Variants in VSTM4 observed in about 807,000 individuals in gnomAD.
VSTM4 encodes the protein V-set and transmembrane domain containing 4.
In VSTM4, 20 loss-of-function variants were observed where a neutral mutation model predicts 36.4. That is an observed-to-expected ratio of 0.55 (90% confidence interval 0.39 to 0.80). VSTM4 has a LOEUF of 0.80. Ranked by LOEUF, VSTM4 falls within the 30% of genes least tolerant of loss-of-function variation. The pLI is 0.00. For missense variants in VSTM4, 392 were observed against 404.5 expected, an observed-to-expected ratio of 0.97 and a Z score of 0.26; for synonymous variants, 182 against 173.9, an observed-to-expected ratio of 1.05 and a Z score of -0.37.
intron 7 of VSTM4, among the ~76,000 whole-genome samples, chr10:49,034,584 G>GA (rs921214168): frequency 1.3e-5 from 2 of 151,800 alleles, no homozygotes; most frequent in African/African-American, 2.4e-5. Flanking sequence ...TTCTGGCTAG[G>GA]AAAAAAAATC....
intron 4 of VSTM4, among the ~76,000 whole-genome samples, chr10:49,073,177 G>A (rs979975955): frequency 6.6e-6 from 1 of 152,140 alleles, no homozygotes; most frequent in African/African-American, 2.4e-5. Context: ...ACAGATCCAT[G>A]CAGATCTACC....
chr10:49,092,837 C>T (rs1844500210), intron 2 of VSTM4, among the ~76,000 whole-genome samples: 1 of 152,122 alleles, frequency 6.6e-6, no homozygotes, highest in Non-Finnish European at 1.5e-5. Context: ...GTCCAGAGAA[C>T]ATGGAGCAGA....
At chr10:49,038,403 A>C (rs1297868392) in intron 7 of VSTM4, among the ~76,000 whole-genome samples, 2 of 152,226 alleles carry the variant, frequency 1.3e-5, no homozygotes, top group Non-Finnish European at 2.9e-5. Flanking sequence ...TTGCTAAAGC[A>C]GTCAAATTCA....
intron 5 of VSTM4, among the ~76,000 whole-genome samples, chr10:49,056,692 C>T (rs1843785182): frequency 6.6e-6 from 1 of 152,216 alleles, no homozygotes; most frequent in African/African-American, 2.4e-5. Flanking sequence ...CCCTGTGTCC[C>T]TCTGGCTAGA....
intron 4 of VSTM4, among the ~76,000 whole-genome samples, chr10:49,076,642 T>C (rs1252331124): frequency 1.3e-5 from 2 of 151,526 alleles, no homozygotes; most frequent in Admixed American, 6.6e-5. Flanking sequence ...CATAGAGATA[T>C]GAGAGTCATG....
intron 1 of VSTM4, among the ~76,000 whole-genome samples, chr10:49,113,874 C>T (rs1207196428): frequency 6.6e-6 from 1 of 152,178 alleles, no homozygotes; most frequent in Non-Finnish European, 1.5e-5. Flanking sequence ...TCTTATCATC[C>T]TCCAGGGCTG....
intron 3 of VSTM4, among the ~76,000 whole-genome samples, chr10:49,079,491 A>G (rs1404446154): frequency 6.6e-6 from 1 of 152,262 alleles, no homozygotes; most frequent in African/African-American, 2.4e-5. Flanking sequence ...ATCTTTGAAG[A>G]AAAATGCCAC....
intron 2 of VSTM4, among the ~76,000 whole-genome samples, chr10:49,105,789 A>G (rs1482099775): frequency 6.6e-6 from 1 of 152,178 alleles, no homozygotes; most frequent in Non-Finnish European, 1.5e-5. Context: ...ACTGTGACAC[A>G]AACACCAAAA....
At chr10:49,098,066 G>A (rs550706218) in intron 2 of VSTM4, among the ~76,000 whole-genome samples, 5 of 152,224 alleles carry the variant, frequency 3.3e-5, no homozygotes, top group Admixed American at 3.3e-4. Flanking sequence ...GCCACCCCTT[G>A]GAGAGAGGGA....
At chr10:49,050,405 G>A (rs1309186725) in intron 5 of VSTM4, among the ~76,000 whole-genome samples, 2 of 152,132 alleles carry the variant, frequency 1.3e-5, no homozygotes, top group Non-Finnish European at 2.9e-5. Flanking sequence ...ATATACACAT[G>A]GGTAATAAGA....
At chr10:49,082,322 A>C (rs1844293462) in intron 3 of VSTM4, among the ~76,000 whole-genome samples, 1 of 152,228 alleles carries the variant, frequency 6.6e-6, no homozygotes. Context: ...CAAAGGCTTG[A>C]GTTTAACAAA....
intron 7 of VSTM4, among the ~76,000 whole-genome samples, chr10:49,046,276 T>TA (rs1055241611): frequency 9.2e-5 from 14 of 152,110 alleles, no homozygotes; most frequent in Non-Finnish European, 1.9e-4. Flanking sequence ...AGGGACATTC[T>TA]AAAAAATCAC....
chr10:49,064,485 G>T, intron 5 of VSTM4: 1 of 560,754 alleles, frequency 1.8e-6, no homozygotes, highest in Non-Finnish European at 3.1e-6. Context: ...TGCTGGGCCA[G>T]CAAAAGCTGC....
chr10:49,046,687 A>T (rs1843616091), intron 7 of VSTM4, among the ~76,000 whole-genome samples: 1 of 152,224 alleles, frequency 6.6e-6, no homozygotes, highest in South Asian at 2.1e-4. Flanking sequence ...TATCAGGTAA[A>T]GGTATGCAAG....
At position 49,115,468 on chromosome 10, in the gene VSTM4, C is replaced by A; in HGVS notation, c.18G>T (p.Leu6=). 9.7e-7 allele frequency: 1 copy of A among 1,034,790 alleles called. No individual in the cohort carries two copies. Among genetic ancestry groups the A allele is most frequent in the Non-Finnish European group, 1.2e-6 (1 of 857,650 alleles). 64.1% of individuals were successfully genotyped at this position (1,034,790 alleles called of 1,614,324 possible). Residue 6 remains leucine, a synonymous_variant, in exon 1 of 8, where the codon CTG becomes CTT. Coordinates refer to ENST00000332853, the MANE Select transcript of VSTM4 (RefSeq NM_001031746.5). ...CCCGCGCCAGCAGCGCGGCCGCCGC[C>A]AGTGCCAGCAGCCGCATCTCCCCGC... MRLLA[L]AAAALLARAP... is the part of the protein sequence containing the mutation.
In VSTM4 at chr10:49,078,120, A is replaced by G. The variant is rs182691424; in HGVS notation, c.527-794T>C. 2.0e-5 allele frequency among the ~76,000 whole-genome samples: 3 copies of G among 152,344 alleles called. No homozygotes were observed. The East Asian group carries it at 5.8e-4, about 29-fold the overall frequency. ...ATGCAACTACAGTAAAATATCCCTC[A>G]TGCCTTTCAGGGTGGCTAAAATAAA... On this transcript the variant is annotated intron_variant, in intron 3 of 7. Transcript: ENST00000332853.
At chr10:49,077,914 C>T (rs376136823) in intron 3 of VSTM4, among the ~76,000 whole-genome samples, 2 of 151,806 alleles carry the variant, frequency 1.3e-5, no homozygotes, top group Non-Finnish European at 2.9e-5. Context: ...AACCACATAT[C>T]CAACAAAGGA....
chr10:49,080,724 A>C (rs1457728971), intron 3 of VSTM4, among the ~76,000 whole-genome samples: 1 of 152,200 alleles, frequency 6.6e-6, no homozygotes, highest in Non-Finnish European at 1.5e-5. Context: ...AGGATGCCTT[A>C]ATAGCATCAA....
intron 2 of VSTM4, among the ~76,000 whole-genome samples, chr10:49,096,988 C>A (rs970448162): frequency 6.6e-6 from 1 of 152,026 alleles, no homozygotes; most frequent in African/African-American, 2.4e-5. Context: ...GGGATCAAAG[C>A]TGTGGCCTCC....
Sources: allele counts gnomAD v4.1 joint callset (sites outside exome capture counted in the v4.1 genomes callset), GRCh38; gene constraint gnomAD v4.1.1; transcripts MANE v1.5; gene names NCBI Gene and HGNC (gene_info 2026-07-23, HGNC 2026-07-21).